OGA: variants seen among roughly 807,000 people sequenced by gnomAD.
OGA encodes O-GlcNAcase, also known as protein O-GlcNAcase.
OGA carries 21 observed loss-of-function variants against 102.0 expected under a neutral mutation model. That is an observed-to-expected ratio of 0.21 (90% CI 0.15 to 0.30). The LOEUF is 0.30. Ranked by LOEUF, OGA falls within the 10% of genes least tolerant of loss-of-function variation. The pLI is 1.00. For synonymous variants in OGA, 408 were observed against 378.2 expected, an observed-to-expected ratio of 1.08 and a Z score of -0.91; for missense variants, 765 against 1,107.8, an observed-to-expected ratio of 0.69 and a Z score of 4.39.
Position 101,798,822 on chromosome 10 carries a change from G to A in OGA, c.1809+20C>T, listed in dbSNP as rs1197116463. On this transcript the variant is annotated intron_variant, in intron 9 of 15. Transcript: ENST00000361464. Reference sequence around the variant, plus strand: ...GGGAACCACCCAGGCTTCAGCAGCAGGTACATTAAACATACTCACTTTTTC... The same window carrying A: ...GGGAACCACCCAGGCTTCAGCAGCAAGTACATTAAACATACTCACTTTTTC... 7 of 1,598,302 alleles carry A rather than the reference G, an allele frequency of 4.4e-6. No homozygotes were observed. The highest frequency in any genetic ancestry group is 5.1e-6 in the Non-Finnish European group (6 of 1,171,240).
chr10:101,812,858 T>C, intron 3 of OGA, 172 bp downstream of exon 3: 2 of 684,600 alleles, frequency 2.9e-6, no homozygotes, highest in Non-Finnish European at 5.4e-6. Flanking sequence ...ATGACCTTGC[T>C]AGCGCAGAGC....
chr10:101,800,467 A>G (rs2065374870), intron 7 of OGA, 67 bp from the exon 8 acceptor site: 3 of 1,225,832 alleles, frequency 2.4e-6, no homozygotes, highest in Non-Finnish European at 3.5e-6. Context: ...ACAAGTGAGA[A>G]GAATAAATGC....
At chr10:101,800,710 CA>C (rs2065377770) in intron 7 of OGA, among the ~76,000 whole-genome samples, 1 of 149,836 alleles carries the variant, frequency 6.7e-6, no homozygotes. Context: ...AAGTCAAGGT[CA>C]AAAGTACCAT....
chr10:101,796,287 A>T (rs547818668), intron 10 of OGA, among the ~76,000 whole-genome samples: 3 of 152,098 alleles, frequency 2.0e-5, no homozygotes, highest in Non-Finnish European at 4.4e-5. Context: ...CACAAGATGA[A>T]GTCTCGCTCT....
Position 101,813,542 on chromosome 10 carries a change from A to G in OGA, c.251+13T>C, listed in dbSNP as rs1346425341. 1 of 1,486,548 alleles carries G rather than the reference A, an allele frequency of 6.7e-7. No homozygotes were observed. Among genetic ancestry groups the G allele is most frequent in the East Asian group, 2.3e-5 (1 of 43,110 alleles). The allele number at this position is 1,486,548 out of a possible 1,614,324, so 92.1% of individuals were successfully genotyped here. ...TAAGGTTCTCCTCTCTCCTTCATAT[A>G]ATGAAGATTTACCTTCTAAAGAGTT... On this transcript the variant is annotated intron_variant, in intron 2 of 15. Transcript: ENST00000361464.
Position 101,805,966 on chromosome 10 carries a change from T to C in OGA, c.751+79A>G, listed in dbSNP as rs12255828. ...TGAGACTCCGTCTCAAAAAAAAAAG[T>C]ATTCAATTAACAAGAACAAGCAATT... On this transcript the variant is annotated intron_variant, in intron 6 of 15. Transcript: ENST00000361464. 1.5e-3 allele frequency: 1,487 copies of C among 964,316 alleles called. 5 individuals are homozygous for C. Among genetic ancestry groups the C allele is most frequent in the African/African-American group, 0.011 (639 of 60,720 alleles). The allele number at this position is 964,316 out of a possible 1,614,324, so 59.7% of individuals were successfully genotyped here. A position where few individuals can be genotyped will look rare whatever the true frequency, so the allele number is the denominator to read the frequency against.
rs1365219495 is a variant in OGA at position 101,803,718 on chromosome 10, A to G, written c.1036+17T>C. Reference sequence around the variant, plus strand: ...AGCTCTCCTCCCAAGGTGAAAGATCAAGTACAGGCTACTTACTCATCACTA... The same window carrying G: ...AGCTCTCCTCCCAAGGTGAAAGATCGAGTACAGGCTACTTACTCATCACTA... On this transcript the variant is annotated intron_variant, in intron 7 of 15. Coordinates refer to ENST00000361464, the MANE Select transcript of OGA (RefSeq NM_012215.5). 3.7e-6 allele frequency: 6 copies of G among 1,604,146 alleles called. No homozygotes were observed. The Admixed American group carries it at 8.4e-5, about 22-fold the overall frequency.
In OGA at chr10:101,792,903, T is replaced by A; in HGVS notation, c.2111A>T (p.Gln704Leu). The change falls in exon 12 of 16, where the codon CAG becomes CTG. Residue 704 changes from glutamine to leucine, a missense_variant. Transcript: ENST00000361464. ...PIDGANDLFF[Q>L]PPPLTPTSKV... ...GGAGGTAGGAGTCAGTGGAGGTGGC[T>A]GAAAAAAGAGATCATTTGCCCCATC... 6.2e-7 allele frequency: 1 copy of A among 1,613,808 alleles called. No individual in the cohort carries two copies. The highest frequency in any genetic ancestry group is 8.5e-7 in the Non-Finnish European group (1 of 1,179,748).
intron 7 of OGA, 128 bp downstream of exon 7, chr10:101,803,607 A>G (rs1317518594): frequency 1.9e-6 from 2 of 1,058,302 alleles, no homozygotes; most frequent in East Asian, 5.2e-5. Flanking sequence ...TTAGTAAAAC[A>G]AAATACGTTT....
chr10:101,813,728 A>C, intron 1 of OGA, 122 bp from the exon 2 acceptor site: 5 of 485,364 alleles, frequency 1.0e-5, no homozygotes, highest in East Asian at 3.3e-5. Context: ...AATACACCAA[A>C]TCGGAAGGAT....
intron 6 of OGA, among the ~76,000 whole-genome samples, chr10:101,804,765 T>A (rs2065445135): frequency 6.6e-6 from 1 of 151,006 alleles, no homozygotes; most frequent in South Asian, 2.1e-4. Context: ...TAATTTAAAA[T>A]TTTTTTGTAC....
At chr10:101,807,168 A>G (rs1381442689) in intron 5 of OGA, among the ~76,000 whole-genome samples, 1 of 152,198 alleles carries the variant, frequency 6.6e-6, no homozygotes, top group Non-Finnish European at 1.5e-5. Flanking sequence ...TTAATCTAAA[A>G]TTCTTCCTGA....
Position 101,818,055 on chromosome 10 carries a change from GTCC to G in OGA, c.-36_-34del. 1 of 1,532,520 alleles carries G rather than the reference GTCC, an allele frequency of 6.5e-7. No homozygotes were observed. 94.9% of individuals were successfully genotyped at this position (1,532,520 alleles called of 1,614,324 possible). A position where few individuals can be genotyped will look rare whatever the true frequency, so the allele number is the denominator to read the frequency against. Reference sequence around the variant, plus strand: ...CCCCCGGCCGCTGCCACCTCTGCGGGTCCTCCTCGACCTCTGTCCGTTGGGGCA... The same window carrying G: ...CCCCCGGCCGCTGCCACCTCTGCGGGTCCTCGACCTCTGTCCGTTGGGGCA... On this transcript the variant is annotated 5_prime_UTR_variant, in exon 1 of 16. Coordinates refer to ENST00000361464, the MANE Select transcript of OGA (RefSeq NM_012215.5).
rs748597306 is a variant in OGA at position 101,818,014 on chromosome 10, C to T, written c.9G>A (p.Gln3=). The change falls in exon 1 of 16, where the codon CAG becomes CAA. Residue 3 remains glutamine, a synonymous_variant. Coordinates refer to ENST00000361464, the MANE Select transcript of OGA (RefSeq NM_012215.5). ...CCTCCAACGTCGCTTGACTCTCCTT[C>T]TGCACCATCCTCCTGCCCCCGGCCG... MV[Q]KESQATLEER... The T allele has an allele frequency of 5.7e-6, 9 of 1,588,142 alleles. No individual in the cohort carries two copies. In the Admixed American group the frequency reaches 1.5e-4, roughly 27 times the overall value.
Position 101,798,881 on chromosome 10 carries a change from A to G in OGA, c.1770T>C (p.Ser590=), listed in dbSNP as rs756984208. The G allele has an allele frequency of 1.3e-5, 21 of 1,613,992 alleles. No individual in the cohort carries two copies. The highest frequency in any genetic ancestry group is 1.7e-5 in the Non-Finnish European group (20 of 1,180,016). ...REFQWLRANS[S]VVSVNCKGKD... ...TTCCTTTGCAATTGACACTGACAAC[A>G]CTACTATTTGCTCGAAGCCATTGAA... Residue 590 remains serine (S), a synonymous_variant, in exon 9 of 16, where the codon AGT becomes AGC. Transcript: ENST00000361464.
intron 8 of OGA, 138 bp downstream of exon 8, chr10:101,800,104 C>G (rs942302376): frequency 9.2e-6 from 8 of 871,860 alleles, no homozygotes; most frequent in African/African-American, 3.4e-5. Flanking sequence ...AACTCCTGAC[C>G]TCAGGTGATC....
Position 101,818,232 on chromosome 10 carries a change from G to C in OGA, c.-210C>G. The C allele has an allele frequency of 1.5e-6, 2 of 1,340,072 alleles. No individual in the cohort carries two copies. The highest frequency in any genetic ancestry group is 9.5e-7 in the Non-Finnish European group (1 of 1,049,124). 83.0% of individuals were successfully genotyped at this position (1,340,072 alleles called of 1,614,324 possible). ...CGGCACCGGCGCGAGCCCTTTGTCA[G>C]CCGCAGCCTCGGCTTTAAGCTGGGG... On this transcript the variant is annotated 5_prime_UTR_variant, in exon 1 of 16. Transcript: ENST00000361464.
At chr10:101,814,501 A>G (rs1362353714) in intron 1 of OGA, among the ~76,000 whole-genome samples, 1 of 152,216 alleles carries the variant, frequency 6.6e-6, no homozygotes, top group African/African-American at 2.4e-5. Context: ...GGGCAGGAGA[A>G]CTGCTTGAAT....
chr10:101,812,888 A>C, intron 3 of OGA, 142 bp downstream of exon 3: 1 of 740,666 alleles, frequency 1.4e-6, no homozygotes, highest in Non-Finnish European at 2.4e-6. Context: ...ATCTCAGCTA[A>C]CTGAATAGTT....
Sources: allele counts gnomAD v4.1 joint callset (sites outside exome capture counted in the v4.1 genomes callset), GRCh38; gene constraint gnomAD v4.1.1; transcripts MANE v1.5; gene names NCBI Gene and HGNC (gene_info 2026-07-23, HGNC 2026-07-21).